SLC10A7: variants seen among roughly 807,000 people sequenced by gnomAD.
SLC10A7 encodes the protein sodium/bile acid cotransporter 7.
SLC10A7 carries 29 observed loss-of-function variants against 43.2 expected under a neutral mutation model. The observed-to-expected ratio is 0.67, with a 90% CI of 0.50 to 0.92. The LOEUF is 0.92. SLC10A7 is among the 40% of genes least tolerant of loss of function. The probability of loss-of-function intolerance (pLI) is 0.00; values close to 1 mark genes in which losing one functional copy is unlikely to be tolerated. For synonymous variants in SLC10A7, 152 were observed against 144.8 expected, an observed-to-expected ratio of 1.05 and a Z score of -0.35; for missense variants, 295 against 403.2, an observed-to-expected ratio of 0.73 and a Z score of 2.30.
At chr4:146,405,921 T>A (rs1373160995) in intron 5 of SLC10A7, among the ~76,000 whole-genome samples, 3 of 152,154 alleles carry the variant, frequency 2.0e-5, no homozygotes, top group Non-Finnish European at 4.4e-5. Context: ...AAACTGAATT[T>A]GTGGATCCAA....
chr4:146,383,010 C>G (rs796983359), intron 5 of SLC10A7, among the ~76,000 whole-genome samples: 1 of 151,966 alleles, frequency 6.6e-6, no homozygotes, highest in Non-Finnish European at 1.5e-5. Context: ...CATGGCTCCC[C>G]GATTTTCTTC....
chr4:146,389,729 T>C (rs549411949), intron 5 of SLC10A7, among the ~76,000 whole-genome samples: 2 of 152,320 alleles, frequency 1.3e-5, no homozygotes, highest in South Asian at 2.1e-4. Flanking sequence ...GGAGGGGGAA[T>C]GGCTGTTAGA....
chr4:146,488,036 T>C (rs2149999053), intron 4 of SLC10A7, among the ~76,000 whole-genome samples: 1 of 152,040 alleles, frequency 6.6e-6, no homozygotes, highest in Non-Finnish European at 1.5e-5. Context: ...AAAAAAATTT[T>C]TTTAATTAGT....
At chr4:146,397,362 T>A (rs1253008942) in intron 5 of SLC10A7, among the ~76,000 whole-genome samples, 2 of 152,122 alleles carry the variant, frequency 1.3e-5, no homozygotes, top group East Asian at 3.8e-4. Flanking sequence ...ACTTAACAAC[T>A]CAAACAACAC....
At chr4:146,442,851 C>A in intron 4 of SLC10A7, 30 bp from the exon 5 acceptor site, 2 of 1,433,428 alleles carry the variant, frequency 1.4e-6, no homozygotes, top group Non-Finnish European at 9.6e-7. Flanking sequence ...GGGAAAAAAA[C>A]TCATTGAAAG....
intron 5 of SLC10A7, among the ~76,000 whole-genome samples, chr4:146,379,959 C>CTGTGTG (rs869182731): frequency 1.2e-5 from 1 of 80,346 alleles, no homozygotes; most frequent in Non-Finnish European, 2.6e-5. Context: ...CTCTCTCTCT[C>CTGTGTG]TGTGTGTGTG....
intron 5 of SLC10A7, among the ~76,000 whole-genome samples, chr4:146,401,181 C>T (rs1360879679): frequency 6.6e-6 from 1 of 152,030 alleles, no homozygotes; most frequent in Admixed American, 6.6e-5. Flanking sequence ...TGACGGCAGG[C>T]GATAAAATCT....
At chr4:146,312,045 T>G (rs773505146) in intron 6 of SLC10A7, among the ~76,000 whole-genome samples, 3 of 152,200 alleles carry the variant, frequency 2.0e-5, no homozygotes, top group Non-Finnish European at 4.4e-5. Flanking sequence ...AAATTAGGAA[T>G]ATGGTTATTA....
intron 5 of SLC10A7, among the ~76,000 whole-genome samples, chr4:146,355,342 T>C (rs899456625): frequency 2.0e-4 from 31 of 152,098 alleles, no homozygotes; most frequent in Admixed American, 1.6e-3. Flanking sequence ...CTATGAGATA[T>C]CATCTCACAC....
Position 146,401,828 on chromosome 4 carries a change from T to C in SLC10A7, c.435+40955A>G, listed in dbSNP as rs149589781. Among the ~76,000 whole-genome samples the C allele has an allele frequency of 7.7e-4, 118 of 152,330 alleles. 1 individual carries two copies. In the South Asian group the frequency reaches 0.013, roughly 17 times the overall value. ...TAATATAGAAGTGTAACTTGTACTT[T>C]GGGGTGCTTTGAATCAGTATTTTTT... On this transcript the variant is annotated intron_variant, in intron 5 of 11. Coordinates refer to ENST00000335472, the MANE Select transcript of SLC10A7 (RefSeq NM_001029998.6).
At chr4:146,473,070 T>C (rs2149968342) in intron 4 of SLC10A7, among the ~76,000 whole-genome samples, 1 of 152,316 alleles carries the variant, frequency 6.6e-6, no homozygotes, top group Middle Eastern at 3.4e-3. Context: ...CTCATGGGGA[T>C]AAAAGTGAGG....
intron 3 of SLC10A7, among the ~76,000 whole-genome samples, chr4:146,508,421 T>C (rs1339243055): frequency 2.0e-5 from 3 of 152,216 alleles, no homozygotes; most frequent in Non-Finnish European, 4.4e-5. Flanking sequence ...TAAAATGATG[T>C]CATCATATTT....
chr4:146,457,585 C>T (rs1732172924), intron 4 of SLC10A7, among the ~76,000 whole-genome samples: 2 of 151,970 alleles, frequency 1.3e-5, no homozygotes, highest in South Asian at 4.2e-4. Context: ...GCCCTGCAAA[C>T]CACAGTTTGT....
intron 4 of SLC10A7, among the ~76,000 whole-genome samples, chr4:146,483,799 C>A (rs943869906): frequency 1.2e-4 from 18 of 151,758 alleles, no homozygotes; most frequent in Admixed American, 3.3e-4. Context: ...TAAATGGTAA[C>A]CAAAAAAGAG....
chr4:146,256,246 C>G lies in SLC10A7; in HGVS notation c.*245G>C. On this transcript the variant is annotated 3_prime_UTR_variant, in exon 12 of 12. Transcript: ENST00000335472. ...TTTTTGTCACTTACCATGACTGATT[C>G]CTGCATTAGGAAAGCAAAATTAACC... 1.9e-6 allele frequency: 1 copy of G among 528,744 alleles called. No homozygotes were observed. Among genetic ancestry groups the G allele is most frequent in the South Asian group, 2.2e-5 (1 of 45,160 alleles). The allele number at this position is 528,744 out of a possible 1,614,324, so 32.8% of individuals were successfully genotyped here.
At chr4:146,505,171 A>G (rs1486425711) in intron 3 of SLC10A7, among the ~76,000 whole-genome samples, 1 of 152,210 alleles carries the variant, frequency 6.6e-6, no homozygotes, top group Non-Finnish European at 1.5e-5. Context: ...CACTTATACA[A>G]GAATTTCTTC....
chr4:146,518,972 C>T (rs540591986), intron 1 of SLC10A7, among the ~76,000 whole-genome samples: 15 of 148,086 alleles, frequency 1.0e-4, no homozygotes, highest in Non-Finnish European at 2.2e-4. Context: ...CTCACTTAAG[C>T]AAAACAACAG....
chr4:146,395,851 C>T (rs546976367), intron 5 of SLC10A7, among the ~76,000 whole-genome samples: 2 of 152,242 alleles, frequency 1.3e-5, no homozygotes, highest in African/African-American at 4.8e-5. Flanking sequence ...TTCAACCATA[C>T]ATGTCATTTG....
At chr4:146,279,224 A>G (rs1011693491) in intron 10 of SLC10A7, among the ~76,000 whole-genome samples, 20 of 152,230 alleles carry the variant, frequency 1.3e-4, no homozygotes, top group African/African-American at 4.6e-4. Flanking sequence ...AAAAACTAAC[A>G]CAAACATGCT....
Sources: allele counts gnomAD v4.1 joint callset (sites outside exome capture counted in the v4.1 genomes callset), GRCh38; gene constraint gnomAD v4.1.1; transcripts MANE v1.5; gene names NCBI Gene and HGNC (gene_info 2026-07-23, HGNC 2026-07-21).